CMTM8: variants seen among roughly 807,000 people sequenced by gnomAD.
CMTM8 encodes CKLF like MARVEL transmembrane domain containing 8.
A neutral mutation model predicts 18.6 loss-of-function variants in CMTM8; 12 were observed. The observed-to-expected ratio is 0.65, with a 90% confidence interval of 0.41 to 1.05. CMTM8 has a LOEUF of 1.05. Ranked by LOEUF, CMTM8 falls within the 50% of genes least tolerant of loss-of-function variation. The probability of loss-of-function intolerance (pLI) is 0.00; values close to 1 mark genes in which losing one functional copy is unlikely to be tolerated. For synonymous variants in CMTM8, 87 were observed against 90.6 expected (o/e 0.96, Z 0.23); for missense variants, 217 against 227.2 (o/e 0.95, Z 0.29).
At chr3:32,261,578 G>A (rs1276456249) in intron 1 of CMTM8, among the ~76,000 whole-genome samples, 1 of 152,162 alleles carries the variant, frequency 6.6e-6, no homozygotes, top group Non-Finnish European at 1.5e-5. Flanking sequence ...GAGTAGCACT[G>A]TTTCTAGGAA....
intron 1 of CMTM8, among the ~76,000 whole-genome samples, chr3:32,335,857 G>C (rs1434451438): frequency 2.6e-5 from 4 of 152,152 alleles, no homozygotes; most frequent in Non-Finnish European, 5.9e-5. Context: ...TTGCAGGGCG[G>C]GAGATCAGAA....
chr3:32,271,108 A>T (rs1377151504), intron 1 of CMTM8, among the ~76,000 whole-genome samples: 2 of 152,186 alleles, frequency 1.3e-5, no homozygotes, highest in Non-Finnish European at 2.9e-5. Context: ...TCTTCTGCAG[A>T]GGTAACCACT....
intron 1 of CMTM8, among the ~76,000 whole-genome samples, chr3:32,302,348 T>C (rs9835916): frequency 0.13 from 19,335 of 152,180 alleles, 1,523 homozygotes; most frequent in East Asian, 0.42. Flanking sequence ...AATTCTTTAT[T>C]GGAACAAGTA....
At position 32,361,286 on chromosome 3, in the gene CMTM8, G is replaced by GTTTGTTTTTTTTGTTTT. The variant is rs140270969; in HGVS notation, c.321+3743_321+3744insGTTTTTTTTGTTTTTTT. On this transcript the variant is annotated intron_variant, in intron 2 of 3. Transcript: ENST00000307526. ...GTGAGCCACGGCGCCCAGCCTAAGAGTTTTTTTTTCTTTCAAATTTTGGAA... is the reference window on the plus strand; with the variant it reads ...GTGAGCCACGGCGCCCAGCCTAAGAGTTTGTTTTTTTTGTTTTTTTTTTTTTCTTTCAAATTTTGGAA... 2.5e-4 allele frequency among the ~76,000 whole-genome samples: 22 copies of GTTTGTTTTTTTTGTTTT among 87,270 alleles called. No individual in the cohort carries two copies. In the East Asian group the frequency reaches 5.9e-3, roughly 24 times the overall value. 57.3% of individuals were successfully genotyped at this position (87,270 alleles called of 152,430 possible).
intron 1 of CMTM8, among the ~76,000 whole-genome samples, chr3:32,254,704 A>G (rs1268272013): frequency 6.6e-6 from 1 of 151,766 alleles, no homozygotes; most frequent in Non-Finnish European, 1.5e-5. Flanking sequence ...TGTGTCAGCC[A>G]ACTTTCTCTG....
intron 1 of CMTM8, among the ~76,000 whole-genome samples, chr3:32,252,534 A>T (rs907488333): frequency 8.5e-5 from 13 of 152,264 alleles, no homozygotes; most frequent in African/African-American, 2.9e-4. Flanking sequence ...AGGTTATTTT[A>T]TGTTCTTAAA....
chr3:32,360,994 G>A (rs991075250), intron 2 of CMTM8, among the ~76,000 whole-genome samples: 5 of 152,110 alleles, frequency 3.3e-5, no homozygotes, highest in Non-Finnish European at 5.9e-5. Context: ...GTTTTGTTTC[G>A]TTTTGAGATG....
intron 1 of CMTM8, among the ~76,000 whole-genome samples, chr3:32,285,987 G>T (rs529174534): frequency 6.6e-6 from 1 of 152,182 alleles, no homozygotes; most frequent in African/African-American, 2.4e-5. Context: ...CTGCAGTTAG[G>T]TCAATACCTC....
At chr3:32,298,798 A>AATATATATATAT (rs139764907) in intron 1 of CMTM8, among the ~76,000 whole-genome samples, 2 of 136,236 alleles carry the variant, frequency 1.5e-5, no homozygotes, top group African/African-American at 5.6e-5. Context: ...ACACCCAGCT[A>AATATATATATAT]ATATATATAT....
chr3:32,263,387 G>A (rs1381931501), intron 1 of CMTM8, among the ~76,000 whole-genome samples: 2 of 152,180 alleles, frequency 1.3e-5, no homozygotes, highest in Non-Finnish European at 2.9e-5. Flanking sequence ...GCAGCTGAGG[G>A]TCCTGACTGT....
chr3:32,326,442 A>T (rs1471095750), intron 1 of CMTM8, among the ~76,000 whole-genome samples: 1 of 151,208 alleles, frequency 6.6e-6, no homozygotes, highest in Non-Finnish European at 1.5e-5. Context: ...CAAAGCAGTT[A>T]GGTGCCAAAT....
At chr3:32,245,704 T>C (rs1256904359) in intron 1 of CMTM8, among the ~76,000 whole-genome samples, 1 of 152,250 alleles carries the variant, frequency 6.6e-6, no homozygotes, top group Non-Finnish European at 1.5e-5. Flanking sequence ...GGAATTTTAA[T>C]TATTCTGTTG....
intron 1 of CMTM8, among the ~76,000 whole-genome samples, chr3:32,308,267 A>G (rs1695753688): frequency 6.6e-6 from 1 of 152,236 alleles, no homozygotes; most frequent in South Asian, 2.1e-4. Flanking sequence ...ATTCATGTCC[A>G]CAGTGTGAGG....
chr3:32,259,515 A>G (rs1233332772), intron 1 of CMTM8: 20 of 782,040 alleles, frequency 2.6e-5, no homozygotes, highest in East Asian at 1.2e-4. Flanking sequence ...GATGACACCA[A>G]TGTCACTCGG....
At chr3:32,326,995 A>G (rs1030069986) in intron 1 of CMTM8, among the ~76,000 whole-genome samples, 3 of 152,096 alleles carry the variant, frequency 2.0e-5, no homozygotes, top group African/African-American at 7.2e-5. Context: ...CACACTGAAC[A>G]TTCTTCAAGG....
At position 32,300,236 on chromosome 3, in the gene CMTM8, T is replaced by C. The variant is rs1288282698; in HGVS notation, c.148-57137T>C. Reference sequence around the variant, plus strand: ...CTGAGCGGGGGAACCCAGCAAGGGCTGTCTGTTCAGATTCTTCTTGGACTC... The same window carrying C: ...CTGAGCGGGGGAACCCAGCAAGGGCCGTCTGTTCAGATTCTTCTTGGACTC... On this transcript the variant is annotated intron_variant, in intron 1 of 3. Coordinates refer to ENST00000307526, the MANE Select transcript of CMTM8 (RefSeq NM_178868.5). 2.6e-5 allele frequency among the ~76,000 whole-genome samples: 4 copies of C among 152,366 alleles called. No homozygotes were observed. The East Asian group carries it at 7.7e-4, about 29-fold the overall frequency.
chr3:32,260,831 AC>A (rs1462288752), intron 1 of CMTM8, among the ~76,000 whole-genome samples: 1 of 152,008 alleles, frequency 6.6e-6, no homozygotes, highest in African/African-American at 2.4e-5. Flanking sequence ...ATTTTATACT[AC>A]CCTAGTTCCT....
At chr3:32,344,280 A>G (rs1696553928) in intron 1 of CMTM8, among the ~76,000 whole-genome samples, 2 of 152,218 alleles carry the variant, frequency 1.3e-5, no homozygotes, top group South Asian at 4.1e-4. Context: ...CTGGTGCTTT[A>G]CTTCTAGGTT....
intron 1 of CMTM8, among the ~76,000 whole-genome samples, chr3:32,270,464 C>T (rs1035648013): frequency 6.6e-6 from 1 of 152,140 alleles, no homozygotes; most frequent in African/African-American, 2.4e-5. Context: ...AGACTTGGAA[C>T]CAACCCAAAT....
Sources: gnomAD v4.1 joint callset for allele counts (sites outside exome capture counted in the v4.1 genomes callset) on GRCh38, gnomAD v4.1.1 for gene constraint, MANE v1.5 for transcripts, NCBI Gene and HGNC (gene_info 2026-07-23, HGNC 2026-07-21) for gene names.